The following ATP10B variants were observed in gnomAD, a reference collection of about 807,000 sequenced individuals.
ATP10B encodes the protein ATPase phospholipid transporting 10B (putative), also known as phospholipid-transporting ATPase VB.
In ATP10B, 122 loss-of-function variants were observed where a neutral mutation model predicts 141.2. The ratio of observed to expected loss-of-function variants is 0.86; its 90% CI spans 0.75 to 1.00. The LOEUF is 1.00. ATP10B is among the 50% of genes least tolerant of loss of function. The pLI, the probability that ATP10B is intolerant of heterozygous loss-of-function variation, is 0.00. For synonymous variants in ATP10B, 685 were observed against 692.0 expected, an observed-to-expected ratio of 0.99 and a Z score of 0.16; for missense variants, 1,876 against 1,825.3, an observed-to-expected ratio of 1.03 and a Z score of -0.51.
At chr5:160,731,796 G>A (rs1049691390) in intron 2 of ATP10B, among the ~76,000 whole-genome samples, 5 of 152,296 alleles carry the variant, frequency 3.3e-5, no homozygotes, top group African/African-American at 9.6e-5. Context: ...ATGCATGGAC[G>A]AGGCTCAAAG....
intron 7 of ATP10B, among the ~76,000 whole-genome samples, chr5:160,665,382 TACC>T (rs534239141): frequency 3.5e-4 from 53 of 152,254 alleles, no homozygotes; most frequent in Non-Finnish European, 6.6e-4. Flanking sequence ...ACCATGTCTG[TACC>T]ACAATTCAGG....
chr5:160,756,282 T>C (rs1469448013), intron 2 of ATP10B, among the ~76,000 whole-genome samples: 3 of 152,180 alleles, frequency 2.0e-5, no homozygotes, highest in Non-Finnish European at 4.4e-5. Context: ...TAGTTACTTA[T>C]TGATATTGGG....
chr5:160,870,252 G>A, the ATP10B span, among the ~76,000 whole-genome samples: 1 of 152,068 alleles, frequency 6.6e-6, no homozygotes, highest in South Asian at 2.1e-4. Context: ...CTGAATCACA[G>A]GACTATAGAG....
chr5:160,670,781 T>A, intron 6 of ATP10B, 114 bp from the exon 7 acceptor site: 1 of 893,962 alleles, frequency 1.1e-6, no homozygotes, highest in Non-Finnish European at 1.8e-6. Flanking sequence ...CAGCCTGTCA[T>A]GAGATTGCCT....
At chr5:160,885,693 C>G in the ATP10B span, among the ~76,000 whole-genome samples, 1 of 152,216 alleles carries the variant, frequency 6.6e-6, no homozygotes, top group African/African-American at 2.4e-5. Context: ...ACTGAAAGCT[C>G]TTCTAGGGAC....
At chr5:160,639,077 G>C (rs981013598) in intron 10 of ATP10B, 1 of 152,312 alleles carries the variant, frequency 6.6e-6, no homozygotes, top group Non-Finnish European at 1.5e-5. Flanking sequence ...TTTCCTTCCT[G>C]CCTCTGTGCT....
At chr5:160,902,145 G>A in the ATP10B span, among the ~76,000 whole-genome samples, 19 of 152,164 alleles carry the variant, frequency 1.2e-4, no homozygotes, top group Admixed American at 1.0e-3. Flanking sequence ...CTATTTACAT[G>A]GTAAAAATTC....
In ATP10B at chr5:160,679,916, A is replaced by G. The variant is rs576507269; in HGVS notation, c.470+6163T>C. Among the ~76,000 whole-genome samples, 7 of 152,334 alleles carry G rather than the reference A, an allele frequency of 4.6e-5. No individual in the cohort carries two copies. The East Asian group carries it at 1.3e-3, about 29-fold the overall frequency. On this transcript the variant is annotated intron_variant, in intron 6 of 25. Transcript: ENST00000327245. The stretch of plus-strand genomic sequence containing the variant: ...TGTGGCTGGTATGGTTTCTAGATTC[A>G]TTAAACTGAGCCCTGGGAGAAGCTA...
chr5:160,721,710 A>G (rs10062624), intron 2 of ATP10B, among the ~76,000 whole-genome samples: 131,502 of 152,176 alleles, frequency 0.86, 56,957 homozygotes, highest in East Asian at 0.9. Flanking sequence ...TAAAAGACAG[A>G]ACAGATGGCT....
intron 2 of ATP10B, among the ~76,000 whole-genome samples, chr5:160,742,223 T>G (rs559406327): frequency 6.6e-6 from 1 of 152,284 alleles, no homozygotes; most frequent in Non-Finnish European, 1.5e-5. Context: ...ATGACAATCT[T>G]TTTCTCATGG....
intron 18 of ATP10B, 66 bp downstream of exon 18, chr5:160,612,675 C>A: frequency 7.0e-7 from 1 of 1,426,160 alleles, no homozygotes; most frequent in Non-Finnish European, 9.6e-7. Flanking sequence ...AAGCCTGTGT[C>A]CTCTTGGTTG....
chr5:160,568,097 A>G (rs1754657997), intron 25 of ATP10B, among the ~76,000 whole-genome samples: 1 of 152,152 alleles, frequency 6.6e-6, no homozygotes, highest in Non-Finnish European at 1.5e-5. Context: ...AGATACCCAG[A>G]TTTCTGGGGT....
intron 24 of ATP10B, among the ~76,000 whole-genome samples, chr5:160,571,502 T>C (rs1242990146): frequency 1.3e-5 from 2 of 152,230 alleles, no homozygotes; most frequent in South Asian, 2.1e-4. Flanking sequence ...CTTTAATTTA[T>C]ATTTGATAAT....
the ATP10B span, among the ~76,000 whole-genome samples, chr5:160,874,174 G>A: frequency 2.1e-4 from 32 of 152,232 alleles, no homozygotes; most frequent in African/African-American, 6.7e-4. Context: ...CTCCCAGCAC[G>A]CAGCTGGAGA....
intron 2 of ATP10B, among the ~76,000 whole-genome samples, chr5:160,748,792 T>A (rs749267380): frequency 2.0e-5 from 3 of 152,210 alleles, no homozygotes; most frequent in African/African-American, 7.2e-5. Context: ...TAGTAATTCA[T>A]GCAAGTTTGA....
intron 21 of ATP10B, 128 bp downstream of exon 21, chr5:160,602,449 G>T: frequency 8.1e-7 from 1 of 1,242,106 alleles, no homozygotes; most frequent in Non-Finnish European, 1.1e-6. Flanking sequence ...ACAGTTTCAA[G>T]ATCTAACACT....
intron 1 of ATP10B, among the ~76,000 whole-genome samples, chr5:160,787,931 C>CA (rs1291642086): frequency 6.6e-6 from 1 of 152,170 alleles, no homozygotes; most frequent in Non-Finnish European, 1.5e-5. Flanking sequence ...TTTCAATTAA[C>CA]AATCCAGATT....
chr5:160,698,133 G>T (rs1337843672), intron 3 of ATP10B, among the ~76,000 whole-genome samples: 2 of 151,882 alleles, frequency 1.3e-5, no homozygotes, highest in Non-Finnish European at 2.9e-5. Context: ...ATTTCTACTT[G>T]TTTTCTAGGT....
chr5:160,920,621 C>T, the ATP10B span, among the ~76,000 whole-genome samples: 1 of 152,222 alleles, frequency 6.6e-6, no homozygotes, highest in Admixed American at 6.5e-5. Context: ...CAGTGTTTTG[C>T]AACATCACTT....
Sources: allele counts gnomAD v4.1 joint callset (sites outside exome capture counted in the v4.1 genomes callset), GRCh38; gene constraint gnomAD v4.1.1; transcripts MANE v1.5; gene names NCBI Gene and HGNC (gene_info 2026-07-23, HGNC 2026-07-21).